HSD17B12: variants seen among roughly 807,000 people sequenced by gnomAD.
HSD17B12 encodes hydroxysteroid 17-beta dehydrogenase 12.
Under a neutral mutation model 39.3 loss-of-function variants are expected in HSD17B12, and 32 were observed. The ratio of observed to expected loss-of-function variants is 0.81; its 90% CI spans 0.61 to 1.09. The LOEUF is 1.09. Ranked by LOEUF, HSD17B12 falls within the 50% of genes least tolerant of loss-of-function variation. The pLI is 0.00. For synonymous variants in HSD17B12, 150 were observed against 146.7 expected (o/e 1.02, Z -0.16); for missense variants, 342 against 382.9 (o/e 0.89, Z 0.89).
the HSD17B12 span, among the ~76,000 whole-genome samples, chr11:43,666,078 C>T: frequency 6.6e-6 from 1 of 152,200 alleles, no homozygotes; most frequent in Non-Finnish European, 1.5e-5. Context: ...CCCATTCCCA[C>T]CCTCCCTTCC....
intron 1 of HSD17B12, among the ~76,000 whole-genome samples, chr11:43,749,360 A>C (rs1291258290): frequency 6.6e-6 from 1 of 152,162 alleles, no homozygotes; most frequent in Admixed American, 6.5e-5. Flanking sequence ...CATTTGGCAG[A>C]ATTTATAGTG....
chr11:43,813,454 A>AT (rs955385444), intron 4 of HSD17B12, among the ~76,000 whole-genome samples: 1 of 152,022 alleles, frequency 6.6e-6, no homozygotes, highest in Non-Finnish European at 1.5e-5. Flanking sequence ...ACTTCATGAA[A>AT]TTTTTTTTAA....
the HSD17B12 span, among the ~76,000 whole-genome samples, chr11:43,611,761 T>C: frequency 6.6e-6 from 1 of 152,212 alleles, no homozygotes; most frequent in African/African-American, 2.4e-5. Context: ...TGAATTTTTT[T>C]GTTCCTGTCA....
Position 43,818,028 on chromosome 11 carries a change from G to T in HSD17B12, c.501+1637G>T, listed in dbSNP as rs147869238. 6.6e-5 allele frequency among the ~76,000 whole-genome samples: 10 copies of T among 152,154 alleles called. No homozygotes were observed. The East Asian group carries it at 1.9e-3, about 29-fold the overall frequency. ...GTCATCTATGATTCCTTTCAGCAGT[G>T]TTTTTTAGTTTATTAAATGCTTTTT... is the stretch of plus-strand genomic sequence containing the variant. On this transcript the variant is annotated intron_variant, in intron 6 of 10. Transcript: ENST00000278353.
At chr11:43,767,477 G>T (rs1004449887) in intron 3 of HSD17B12, among the ~76,000 whole-genome samples, 2 of 152,032 alleles carry the variant, frequency 1.3e-5, no homozygotes, top group African/African-American at 4.8e-5. Flanking sequence ...TATTGAAAAG[G>T]TTCACTTTAA....
the HSD17B12 span, among the ~76,000 whole-genome samples, chr11:43,646,800 T>G: frequency 6.6e-6 from 1 of 152,226 alleles, no homozygotes; most frequent in Admixed American, 6.5e-5. Context: ...CTGTTTCCCA[T>G]CCTTATCACT....
rs11037586 is a variant in HSD17B12, at chr11:43,734,293, A to C, written c.161-16618A>C. 4.1e-3 allele frequency: 4,782 copies of C among 1,179,316 alleles called. 74 individuals are homozygous for C. The East Asian group carries it at 0.053, about 13-fold the overall frequency. The allele number at this position is 1,179,316 out of a possible 1,614,324, so 73.1% of individuals were successfully genotyped here. A position where few individuals can be genotyped will look rare whatever the true frequency, so the allele number is the denominator to read the frequency against. ...TGACTTTCAGGAAGGAGTTCACAGA[A>C]GCCGTGGAAGCCAAAAAGGTGGCTC... On this transcript the variant is annotated intron_variant, in intron 1 of 10. Coordinates refer to ENST00000278353, the MANE Select transcript of HSD17B12 (RefSeq NM_016142.3).
At chr11:43,757,719 A>AAG (rs1210927714) in intron 3 of HSD17B12, among the ~76,000 whole-genome samples, 1 of 151,620 alleles carries the variant, frequency 6.6e-6, no homozygotes, top group African/African-American at 2.4e-5. Flanking sequence ...GCACACACAA[A>AAG]AAAAACAGAC....
intron 1 of HSD17B12, among the ~76,000 whole-genome samples, chr11:43,737,481 C>T (rs968622598): frequency 6.6e-6 from 1 of 152,174 alleles, no homozygotes; most frequent in Non-Finnish European, 1.5e-5. Flanking sequence ...TTATAGTTGT[C>T]AGTTTCCATC....
In HSD17B12 at chr11:43,719,051, A is replaced by C; in HGVS notation, c.161-31860A>C. The C allele has an allele frequency of 4.8e-6, 4 of 836,806 alleles. No homozygotes were observed. In the East Asian group the frequency reaches 9.6e-5, roughly 20 times the overall value. The allele number at this position is 836,806 out of a possible 1,614,324, so 51.8% of individuals were successfully genotyped here. A position where few individuals can be genotyped will look rare whatever the true frequency, so the allele number is the denominator to read the frequency against. ...TGACATTGATGTGGCCAAGGTCAACACCCTGATTCAGCCTGATGGAGAGAA... is the reference window on the plus strand; with the variant it reads ...TGACATTGATGTGGCCAAGGTCAACCCCCTGATTCAGCCTGATGGAGAGAA... On this transcript the variant is annotated intron_variant, in intron 1 of 10. Coordinates refer to ENST00000278353, the MANE Select transcript of HSD17B12 (RefSeq NM_016142.3).
the HSD17B12 span, among the ~76,000 whole-genome samples, chr11:43,643,884 G>A: frequency 6.6e-6 from 1 of 152,150 alleles, no homozygotes; most frequent in African/African-American, 2.4e-5. Flanking sequence ...AAGTCGAAGG[G>A]GAAGATTAAT....
At chr11:43,705,858 C>CT (rs1950010119) in intron 1 of HSD17B12, among the ~76,000 whole-genome samples, 1 of 146,746 alleles carries the variant, frequency 6.8e-6, no homozygotes, top group Non-Finnish European at 1.5e-5. Flanking sequence ...ACCTCCCCGG[C>CT]TCAAATAATC....
At chr11:43,661,580 A>G in the HSD17B12 span, among the ~76,000 whole-genome samples, 15 of 152,302 alleles carry the variant, frequency 9.8e-5, no homozygotes, top group Non-Finnish European at 1.8e-4. Context: ...AGGGAGGCAG[A>G]GGTGGGAGGA....
At position 43,739,595 on chromosome 11, in the gene HSD17B12, A is replaced by T. The variant is rs1950346190; in HGVS notation, c.161-11316A>T. ...TTGGCTGAAGGAACACTTCATGAAGATTCTTTTATAAGGGCCTTAATTCCA... is the reference window on the plus strand; with the variant it reads ...TTGGCTGAAGGAACACTTCATGAAGTTTCTTTTATAAGGGCCTTAATTCCA... On this transcript the variant is annotated intron_variant, in intron 1 of 10. Coordinates refer to ENST00000278353, the MANE Select transcript of HSD17B12 (RefSeq NM_016142.3). Among the ~76,000 whole-genome samples, 4 of 152,094 alleles carry T rather than the reference A, an allele frequency of 2.6e-5. No individual in the cohort carries two copies. The South Asian group carries it at 8.3e-4, about 32-fold the overall frequency.
chr11:43,724,528 T>C (rs1950204191), intron 1 of HSD17B12, among the ~76,000 whole-genome samples: 1 of 150,170 alleles, frequency 6.7e-6, no homozygotes, highest in African/African-American at 2.5e-5. Context: ...TTTTGAAGAC[T>C]GTGAAGTCCA....
chr11:43,647,132 A>T, the HSD17B12 span, among the ~76,000 whole-genome samples: 1 of 152,172 alleles, frequency 6.6e-6, no homozygotes, highest in African/African-American at 2.4e-5. Context: ...TTGGAACATG[A>T]CCAAAAAAAT....
At chr11:43,784,221 C>T (rs1950794138) in intron 3 of HSD17B12, among the ~76,000 whole-genome samples, 1 of 151,868 alleles carries the variant, frequency 6.6e-6, no homozygotes, top group African/African-American at 2.4e-5. Context: ...CATAAGCTAA[C>T]AGAACAGAAA....
At chr11:43,817,326 G>A (rs183102863) in intron 6 of HSD17B12, among the ~76,000 whole-genome samples, 4 of 152,208 alleles carry the variant, frequency 2.6e-5, no homozygotes, top group African/African-American at 9.6e-5. Flanking sequence ...TCCTTTAGCC[G>A]TGCAGAAGTT....
intron 1 of HSD17B12, among the ~76,000 whole-genome samples, chr11:43,702,971 G>C (rs1287281461): frequency 6.6e-6 from 1 of 152,076 alleles, no homozygotes; most frequent in Non-Finnish European, 1.5e-5. Context: ...GTTTTGTAGA[G>C]AATTTTTGCA....
Sources: allele counts gnomAD v4.1 joint callset (sites outside exome capture counted in the v4.1 genomes callset), GRCh38; gene constraint gnomAD v4.1.1; transcripts MANE v1.5; gene names NCBI Gene and HGNC (gene_info 2026-07-23, HGNC 2026-07-21).